The following ERBB4 variants were observed in gnomAD, a reference collection of about 807,000 sequenced individuals.
ERBB4 encodes the protein erb-b2 receptor tyrosine kinase 4.
Under a neutral mutation model 158.0 loss-of-function variants are expected in ERBB4, and 42 were observed. That is an observed-to-expected ratio of 0.27 (90% CI 0.21 to 0.34). The LOEUF is 0.34. ERBB4 is among the 10% of genes least tolerant of loss of function. ERBB4 has a pLI of 1.00. For synonymous variants in ERBB4, 583 were observed against 558.7 expected, an observed-to-expected ratio of 1.04 and a Z score of -0.61; for missense variants, 1,333 against 1,624.1, an observed-to-expected ratio of 0.82 and a Z score of 3.08.
intron 16 of ERBB4, among the ~76,000 whole-genome samples, chr2:211,638,515 C>T (rs1049738173): frequency 1.3e-5 from 2 of 152,130 alleles, no homozygotes; most frequent in African/African-American, 4.8e-5. Context: ...TGGGGTATTA[C>T]AATAGGTCTC....
At chr2:211,741,661 T>C (rs986688654) in intron 5 of ERBB4, among the ~76,000 whole-genome samples, 1 of 152,138 alleles carries the variant, frequency 6.6e-6, no homozygotes, top group Non-Finnish European at 1.5e-5. Context: ...TAACCCACAG[T>C]ATGGCCACAG....
At chr2:211,636,752 T>C (rs1195761243) in intron 16 of ERBB4, among the ~76,000 whole-genome samples, 1 of 151,742 alleles carries the variant, frequency 6.6e-6, no homozygotes, top group Non-Finnish European at 1.5e-5. Context: ...TATGTGTGTA[T>C]GTGTATATAG....
intron 5 of ERBB4, among the ~76,000 whole-genome samples, chr2:211,732,845 C>T (rs543424746): frequency 5.3e-5 from 8 of 152,214 alleles, no homozygotes; most frequent in Middle Eastern, 3.4e-3. Flanking sequence ...GGCATGGTGG[C>T]GCGCACCTGT....
At chr2:211,964,997 T>C (rs2081273316) in intron 2 of ERBB4, among the ~76,000 whole-genome samples, 1 of 152,202 alleles carries the variant, frequency 6.6e-6, no homozygotes, top group Non-Finnish European at 1.5e-5. Context: ...ATGCCTAATT[T>C]GATTTGTTCA....
At chr2:211,508,212 A>T (rs2065797821) in intron 20 of ERBB4, among the ~76,000 whole-genome samples, 1 of 152,162 alleles carries the variant, frequency 6.6e-6, no homozygotes, top group Non-Finnish European at 1.5e-5. Flanking sequence ...ACAGAATGGG[A>T]GAAAATCTTT....
chr2:211,790,639 C>G (rs759054319), intron 3 of ERBB4, among the ~76,000 whole-genome samples: 1 of 152,010 alleles, frequency 6.6e-6, no homozygotes, highest in Non-Finnish European at 1.5e-5. Context: ...TACACGTTAA[C>G]ATTTCAAATT....
intron 4 of ERBB4, among the ~76,000 whole-genome samples, chr2:211,771,615 A>G (rs2075693934): frequency 6.6e-6 from 1 of 152,214 alleles, no homozygotes; most frequent in Non-Finnish European, 1.5e-5. Flanking sequence ...GTTAGCAGAA[A>G]ATGATGCTGA....
intron 3 of ERBB4, among the ~76,000 whole-genome samples, chr2:211,863,919 C>T (rs2078135487): frequency 6.6e-6 from 1 of 152,014 alleles, no homozygotes. Flanking sequence ...CTTTTCTTTC[C>T]TCCTTTTTCT....
intron 1 of ERBB4, among the ~76,000 whole-genome samples, chr2:212,215,239 A>C (rs2083062475): frequency 6.6e-6 from 1 of 151,536 alleles, no homozygotes; most frequent in Admixed American, 6.6e-5. Context: ...TAGTAGTTGA[A>C]ATAAATGGTC....
At chr2:211,543,198 G>A (rs1053921269) in intron 20 of ERBB4, among the ~76,000 whole-genome samples, 2 of 151,878 alleles carry the variant, frequency 1.3e-5, no homozygotes, top group Admixed American at 6.6e-5. Context: ...GCACTCACCA[G>A]TAGGAAAAGC....
chr2:212,505,094 T>C (rs1691117471), intron 1 of ERBB4, among the ~76,000 whole-genome samples: 1 of 152,128 alleles, frequency 6.6e-6, no homozygotes, highest in African/African-American at 2.4e-5. Flanking sequence ...GTTTCTTTTG[T>C]TTGTTTGGTT....
At chr2:211,563,117 TG>T (rs1285271725) in intron 19 of ERBB4, among the ~76,000 whole-genome samples, 1 of 152,164 alleles carries the variant, frequency 6.6e-6, no homozygotes. Context: ...CACTGCTTAA[TG>T]GGGATAAAAG....
intron 4 of ERBB4, among the ~76,000 whole-genome samples, chr2:211,754,432 C>T (rs1352579434): frequency 1.5e-5 from 2 of 134,004 alleles, no homozygotes; most frequent in East Asian, 4.5e-4. Flanking sequence ...GACAGAGTCT[C>T]GCTCTGTTGC....
At chr2:212,479,506 C>G (rs753115180) in intron 1 of ERBB4, among the ~76,000 whole-genome samples, 11 of 152,108 alleles carry the variant, frequency 7.2e-5, no homozygotes, top group African/African-American at 2.7e-4. Context: ...ACTTACTGTG[C>G]GCCGAGCACT....
At chr2:212,120,034 T>C (rs781674681) in intron 2 of ERBB4, among the ~76,000 whole-genome samples, 1 of 152,054 alleles carries the variant, frequency 6.6e-6, no homozygotes, top group African/African-American at 2.4e-5. Flanking sequence ...GAAATTACTA[T>C]AAAGTTGCAA....
intron 19 of ERBB4, among the ~76,000 whole-genome samples, chr2:211,580,791 T>G (rs1407501374): frequency 2.3e-4 from 1 of 4,354 alleles, no homozygotes; most frequent in Non-Finnish European, 4.0e-4. Flanking sequence ...AATTGTGATA[T>G]ATATATATAT....
In ERBB4 at chr2:211,514,673, A is replaced by T. The variant is rs541880198; in HGVS notation, c.2487+47230T>A. Among the ~76,000 whole-genome samples, 44 of 152,282 alleles carry T rather than the reference A, an allele frequency of 2.9e-4. 1 individual carries two copies. The South Asian group carries it at 8.7e-3, about 30-fold the overall frequency. On this transcript the variant is annotated intron_variant, in intron 20 of 27. Coordinates refer to ENST00000342788, the MANE Select transcript of ERBB4 (RefSeq NM_005235.3). ...TTTACCTCCAATCAGCTCACAGTTT[A>T]TCAACTGTAAGAAAAGACACATACA...
intron 2 of ERBB4, among the ~76,000 whole-genome samples, chr2:212,065,232 G>A (rs534283472): frequency 4.7e-4 from 72 of 152,048 alleles, no homozygotes; most frequent in Non-Finnish European, 8.1e-4. Context: ...TTAGTTTGCC[G>A]CTAATTACTC....
intron 1 of ERBB4, among the ~76,000 whole-genome samples, chr2:212,198,016 G>T (rs1574416258): frequency 6.6e-6 from 1 of 152,264 alleles, no homozygotes; most frequent in African/African-American, 2.4e-5. Flanking sequence ...GGATTCTTTT[G>T]AGAGCTGAGC....
Sources: gnomAD v4.1 joint callset for allele counts (sites outside exome capture counted in the v4.1 genomes callset) on GRCh38, gnomAD v4.1.1 for gene constraint, MANE v1.5 for transcripts, NCBI Gene and HGNC (gene_info 2026-07-23, HGNC 2026-07-21) for gene names.